SHANK2: variants seen among roughly 807,000 people sequenced by gnomAD.
SHANK2 encodes SH3 and multiple ankyrin repeat domains 2.
A neutral mutation model predicts 133.7 loss-of-function variants in SHANK2; 43 were observed. The observed-to-expected ratio is 0.32, with a 90% CI of 0.25 to 0.41. SHANK2 has a LOEUF of 0.41. Among genes scored for constraint, SHANK2 ranks in the 10% least tolerant of loss-of-function variants. The probability of loss-of-function intolerance (pLI) is 1.00; values close to 1 mark genes in which losing one functional copy is unlikely to be tolerated. For missense variants in SHANK2, 1,994 were observed against 2,235.8 expected, an observed-to-expected ratio of 0.89 and a Z score of 2.18; for synonymous variants, 1,017 against 952.8, an observed-to-expected ratio of 1.07 and a Z score of -1.24.
intron 14 of SHANK2, among the ~76,000 whole-genome samples, chr11:70,718,700 C>CTTTTTTTTTTTTTTT (rs60414874): frequency 1.2e-4 from 16 of 129,772 alleles, no homozygotes; most frequent in African/African-American, 3.2e-4. Flanking sequence ...AGCTCATTCT[C>CTTTTTTTTTTTTTTT]TTTTTTTTTT....
chr11:71,094,613 T>A lies in SHANK2; in HGVS notation c.668A>T (p.His223Leu). 1 of 1,551,690 alleles carries A rather than the reference T, an allele frequency of 6.4e-7. No homozygotes were observed. The highest frequency in any genetic ancestry group is 2.0e-5 in the Admixed American group (1 of 50,996). Reference protein sequence around the residue: ...VIKALKNGGAHLDFRAKDGMT... With the variant: ...VIKALKNGGALLDFRAKDGMT... The stretch of plus-strand genomic sequence containing the variant: ...CCCATCTTTGGCACGGAAGTCCAGG[T>A]GAGCTCCACCATTTTTGAGAGCTTT... Residue 223 changes from histidine to leucine, a missense_variant, in exon 7 of 26, where the codon CAC (histidine) becomes CTC (leucine). His to Leu is a moderately conservative substitution (Grantham distance 99, BLOSUM62 -3). Transcript: ENST00000601538.
intron 17 of SHANK2, among the ~76,000 whole-genome samples, chr11:70,623,482 C>G (rs2060861128): frequency 6.6e-6 from 1 of 152,204 alleles, no homozygotes; most frequent in Admixed American, 6.5e-5. Context: ...AGGCTGCGCC[C>G]CCACAGCACC....
intron 1 of SHANK2, among the ~76,000 whole-genome samples, chr11:71,242,910 A>G (rs1272639814): frequency 1.3e-5 from 2 of 152,280 alleles, no homozygotes; most frequent in Non-Finnish European, 2.9e-5. Flanking sequence ...ATGAAATTCG[A>G]AATTTATTTT....
chr11:71,244,232 A>C (rs1416630527), intron 1 of SHANK2, among the ~76,000 whole-genome samples: 2 of 152,326 alleles, frequency 1.3e-5, no homozygotes, highest in Non-Finnish European at 2.9e-5. Flanking sequence ...GTGCCTCTGC[A>C]TGCTCCCACC....
At chr11:70,725,987 C>T (rs1198748061) in intron 14 of SHANK2, among the ~76,000 whole-genome samples, 5 of 152,304 alleles carry the variant, frequency 3.3e-5, no homozygotes, top group Admixed American at 6.5e-5. Flanking sequence ...GGAGGGTATG[C>T]GTGAACTCAC....
At chr11:70,827,638 G>GTGT (rs1310330528) in intron 11 of SHANK2, among the ~76,000 whole-genome samples, 3 of 108,206 alleles carry the variant, frequency 2.8e-5, no homozygotes, top group Admixed American at 1.9e-4. Flanking sequence ...GTGTGTGTGT[G>GTGT]TTTTTTTTTT....
At chr11:70,943,751 C>A (rs1387744168) in intron 10 of SHANK2, among the ~76,000 whole-genome samples, 8 of 152,156 alleles carry the variant, frequency 5.3e-5, no homozygotes, top group Admixed American at 1.3e-4. Context: ...ACTTTTACAG[C>A]AACAATGTCC....
intron 12 of SHANK2, among the ~76,000 whole-genome samples, chr11:70,818,795 G>C (rs1396063679): frequency 6.6e-6 from 1 of 152,206 alleles, no homozygotes; most frequent in Non-Finnish European, 1.5e-5. Context: ...CTGTCTAGGG[G>C]CCGGGAGAAG....
At chr11:70,745,342 C>T (rs868995936) in intron 14 of SHANK2, among the ~76,000 whole-genome samples, 9 of 152,238 alleles carry the variant, frequency 5.9e-5, no homozygotes, top group African/African-American at 1.2e-4. Flanking sequence ...GTGGTCTCCA[C>T]GTATTTCCAT....
intron 12 of SHANK2, among the ~76,000 whole-genome samples, chr11:70,815,613 A>G (rs1186481004): frequency 3.3e-5 from 5 of 152,196 alleles, no homozygotes; most frequent in Non-Finnish European, 7.3e-5. Flanking sequence ...AAGCTGGCTC[A>G]GGGCAGCTTC....
At chr11:71,105,888 C>T (rs374025416) in intron 6 of SHANK2, among the ~76,000 whole-genome samples, 1 of 152,160 alleles carries the variant, frequency 6.6e-6, no homozygotes, top group Admixed American at 6.5e-5. Flanking sequence ...AAGCTCTGGA[C>T]TTGAGGATCA....
At chr11:71,081,611 G>A (rs1449462195) in intron 8 of SHANK2, among the ~76,000 whole-genome samples, 3 of 152,142 alleles carry the variant, frequency 2.0e-5, no homozygotes, top group Non-Finnish European at 4.4e-5. Context: ...CCTGTTCCCC[G>A]CATGTCCCTG....
chr11:71,249,349 G>A (rs985980477), intron 1 of SHANK2, among the ~76,000 whole-genome samples: 1 of 152,190 alleles, frequency 6.6e-6, no homozygotes, highest in African/African-American at 2.4e-5. Context: ...TGGAGGTCAT[G>A]TGGAGGCAAG....
At chr11:71,178,271 A>G (rs2135535813) in intron 2 of SHANK2, among the ~76,000 whole-genome samples, 1 of 152,366 alleles carries the variant, frequency 6.6e-6, no homozygotes, top group East Asian at 1.9e-4. Context: ...GGAAATTCTG[A>G]CTCATGCTAC....
chr11:70,502,515 G>C (rs2059070264), intron 18 of SHANK2, among the ~76,000 whole-genome samples: 1 of 152,170 alleles, frequency 6.6e-6, no homozygotes, highest in Non-Finnish European at 1.5e-5. Flanking sequence ...GGCAGGGGGA[G>C]GGAGGGGACA....
chr11:70,709,938 C>T (rs149912188), intron 14 of SHANK2, among the ~76,000 whole-genome samples: 141 of 151,950 alleles, frequency 9.3e-4, no homozygotes, highest in African/African-American at 1.5e-3. Flanking sequence ...CTTTCAGGGA[C>T]GGAGGGGGAC....
chr11:71,205,532 G>C (rs1417779213), intron 2 of SHANK2, among the ~76,000 whole-genome samples: 1 of 152,338 alleles, frequency 6.6e-6, no homozygotes, highest in South Asian at 2.1e-4. Flanking sequence ...CCAGGACGGA[G>C]AGTCCCCTTC....
chr11:71,143,437 G>A (rs1341529806), intron 3 of SHANK2, among the ~76,000 whole-genome samples: 2 of 152,200 alleles, frequency 1.3e-5, no homozygotes, highest in Non-Finnish European at 2.9e-5. Context: ...CAGCCTGCCC[G>A]ATGCGCGGGT....
chr11:70,518,520 C>T (rs556579908), intron 17 of SHANK2, among the ~76,000 whole-genome samples: 3 of 152,340 alleles, frequency 2.0e-5, no homozygotes, highest in South Asian at 2.1e-4. Flanking sequence ...CTGGCTGGCA[C>T]GTCTCTGAAG....
Sources: gnomAD v4.1 joint callset for allele counts (sites outside exome capture counted in the v4.1 genomes callset) on GRCh38, gnomAD v4.1.1 for gene constraint, MANE v1.5 for transcripts, NCBI Gene and HGNC (gene_info 2026-07-23, HGNC 2026-07-21) for gene names.